CNBD2: variants seen among roughly 807,000 people sequenced by gnomAD.
CNBD2 encodes cyclic nucleotide-binding domain-containing protein 2.
Under a neutral mutation model 63.7 loss-of-function variants are expected in CNBD2, and 64 were observed. The ratio of observed to expected loss-of-function variants is 1.00; its 90% CI spans 0.82 to 1.24. The LOEUF (loss-of-function observed/expected upper bound fraction) is 1.24. Ranked by LOEUF, CNBD2 falls within the 50% of genes most tolerant of loss-of-function variation. CNBD2 has a pLI of 0.00. For synonymous variants in CNBD2, 229 were observed against 255.4 expected (o/e 0.90, Z 0.99); for missense variants, 691 against 713.5 (o/e 0.97, Z 0.36).
intron 6 of CNBD2, among the ~76,000 whole-genome samples, chr20:35,985,204 T>G (rs2147245779): frequency 6.6e-6 from 1 of 152,010 alleles, no homozygotes; most frequent in South Asian, 2.1e-4. Flanking sequence ...GAGGCTGAGG[T>G]GGGAGGATCA....
chr20:35,983,882 T>C, intron 4 of CNBD2, 100 bp from the exon 5 acceptor site: 1 of 1,421,264 alleles, frequency 7.0e-7, no homozygotes, highest in South Asian at 1.2e-5. Context: ...GTCTGTGCTC[T>C]TATATCCCAA....
At chr20:36,022,321 C>T (rs563295868) in intron 10 of CNBD2, among the ~76,000 whole-genome samples, 1 of 150,278 alleles carries the variant, frequency 6.7e-6, no homozygotes, top group Admixed American at 6.7e-5. Flanking sequence ...GCCTTAGCCT[C>T]CCAAGTAGCC....
intron 7 of CNBD2, among the ~76,000 whole-genome samples, chr20:35,990,802 C>T (rs917913708): frequency 6.6e-6 from 1 of 151,302 alleles, no homozygotes; most frequent in Non-Finnish European, 1.5e-5. Context: ...AATACAAAAA[C>T]TAGCCAGGCG....
At chr20:36,009,064 G>A (rs1184685301) in intron 9 of CNBD2, among the ~76,000 whole-genome samples, 3 of 152,146 alleles carry the variant, frequency 2.0e-5, no homozygotes, top group Non-Finnish European at 4.4e-5. Flanking sequence ...GGGCATAGTG[G>A]CACATACCTG....
chr20:36,012,024 C>T (rs2057068393), intron 10 of CNBD2, among the ~76,000 whole-genome samples: 1 of 152,008 alleles, frequency 6.6e-6, no homozygotes, highest in Admixed American at 6.6e-5. Flanking sequence ...TGGGGCCAGG[C>T]ATGGTGGCTC....
intron 4 of CNBD2, 90 bp downstream of exon 4, chr20:35,980,712 C>G (rs923774001): frequency 1.3e-5 from 16 of 1,215,238 alleles, no homozygotes; most frequent in Non-Finnish European, 1.9e-5. Flanking sequence ...TCCTGCCCAC[C>G]CCTCTGCATA....
chr20:36,027,258 G>A (rs1473473449), intron 11 of CNBD2, among the ~76,000 whole-genome samples: 7 of 152,172 alleles, frequency 4.6e-5, no homozygotes, highest in Admixed American at 2.0e-4. Flanking sequence ...TGTGGGAAGC[G>A]AGTGATTCCA....
intron 8 of CNBD2, among the ~76,000 whole-genome samples, chr20:35,998,850 G>A (rs1488646527): frequency 7.4e-6 from 1 of 134,778 alleles, no homozygotes; most frequent in African/African-American, 2.8e-5. Context: ...TCCAGTCCGA[G>A]CGACAGAGCA....
At chr20:36,001,232 C>G (rs1458871555) in intron 8 of CNBD2, among the ~76,000 whole-genome samples, 1 of 151,974 alleles carries the variant, frequency 6.6e-6, no homozygotes, top group South Asian at 2.1e-4. Flanking sequence ...CATCATGGCC[C>G]GTTCTCAATG....
At position 36,030,585 on chromosome 20, in the gene CNBD2, C is replaced by T; in HGVS notation, c.1668C>T (p.Pro556=). The T allele has an allele frequency of 1.2e-6, 2 of 1,614,130 alleles. No individual in the cohort carries two copies. Among genetic ancestry groups the T allele is most frequent in the Admixed American group, 1.7e-5 (1 of 60,012 alleles). Residue 556 remains proline, a synonymous_variant, in exon 12 of 12, where the codon CCC becomes CCT. Coordinates refer to ENST00000373973, the MANE Select transcript of CNBD2 (RefSeq NM_001365709.1). ...PIFMAPQKYL[P]PLRIVQAIKA... ...TTATGGCACCCCAGAAATACCTCCC[C>T]CCATTGAGGATTGTCCAAGCCATCA...
At chr20:35,995,200 C>T (rs1180285253) in intron 8 of CNBD2, 48 bp downstream of exon 8, 3 of 1,290,450 alleles carry the variant, frequency 2.3e-6, no homozygotes, top group Non-Finnish European at 3.4e-6. Context: ...TGGGCCTGTC[C>T]TGTTTCCAGT....
intron 8 of CNBD2, 152 bp downstream of exon 8, chr20:35,995,304 G>A (rs2056810334): frequency 2.8e-5 from 15 of 538,270 alleles, no homozygotes; most frequent in Non-Finnish European, 4.6e-5. Flanking sequence ...CAGTCTGCAA[G>A]GCCCTGCCCT....
At chr20:36,012,111 C>T (rs2057069711) in intron 10 of CNBD2, among the ~76,000 whole-genome samples, 1 of 152,002 alleles carries the variant, frequency 6.6e-6, no homozygotes, top group Non-Finnish European at 1.5e-5. Flanking sequence ...ACCAGACTGG[C>T]CAACATGGTG....
intron 11 of CNBD2, among the ~76,000 whole-genome samples, chr20:36,029,295 A>G (rs2057316460): frequency 1.3e-5 from 2 of 152,160 alleles, no homozygotes; most frequent in African/African-American, 4.8e-5. Context: ...AAATGAGTTC[A>G]CAAATGTAAA....
At chr20:35,956,352 A>G (rs6121102), downstream of CNBD2, among the ~76,000 whole-genome samples, 39,578 of 151,982 alleles carry the variant, frequency 0.26, 6,183 homozygotes, top group African/African-American at 0.44. Flanking sequence ...TGGATTTCTA[A>G]TTTTTCTTGA....
chr20:36,030,254 G>A, intron 11 of CNBD2, 103 bp from the exon 12 acceptor site: 1 of 1,125,368 alleles, frequency 8.9e-7, no homozygotes, highest in Non-Finnish European at 1.3e-6. Context: ...GGTCAGAGAA[G>A]CAGAATGAAG....
intron 7 of CNBD2, among the ~76,000 whole-genome samples, chr20:35,992,601 G>A (rs1020016922): frequency 1.3e-5 from 2 of 152,140 alleles, no homozygotes; most frequent in Non-Finnish European, 2.9e-5. Context: ...TTGGCCAGAA[G>A]ATGAATCTGG....
intron 10 of CNBD2, among the ~76,000 whole-genome samples, chr20:36,021,806 G>T (rs1000060955): frequency 6.6e-6 from 1 of 152,168 alleles, no homozygotes; most frequent in Non-Finnish European, 1.5e-5. Flanking sequence ...ACGGAAGCAA[G>T]TATGCCTGTG....
Position 36,030,545 on chromosome 20 carries a change from C to T in CNBD2, c.1628C>T (p.Pro543Leu). Reference sequence around the variant, plus strand: ...TGCAGCATCAACAAGACGACTAAACCTCGTTATCCTATTTTTATGGCACCC... The same window carrying T: ...TGCAGCATCAACAAGACGACTAAACTTCGTTATCCTATTTTTATGGCACCC... ...DLCSINKTTK[P>L]RYPIFMAPQK... The change falls in exon 12 of 12, where the codon CCT (proline) becomes CTT (leucine). Residue 543 changes from proline to leucine, a missense_variant. Physicochemically the swap from Pro to Leu is moderately conservative, Grantham distance 98. Coordinates refer to ENST00000373973, the MANE Select transcript of CNBD2 (RefSeq NM_001365709.1). 1 of 1,614,148 alleles carries T rather than the reference C, an allele frequency of 6.2e-7. No homozygotes were observed. The highest frequency in any genetic ancestry group is 1.7e-5 in the Admixed American group (1 of 60,014).
Sources: gnomAD v4.1 joint callset for allele counts (sites outside exome capture counted in the v4.1 genomes callset) on GRCh38, gnomAD v4.1.1 for gene constraint, MANE v1.5 for transcripts, NCBI Gene and HGNC (gene_info 2026-07-23, HGNC 2026-07-21) for gene names.